Variants in DPY19L4 observed in about 807,000 individuals in gnomAD.
DPY19L4 encodes the protein probable C-mannosyltransferase DPY19L4.
DPY19L4 carries 97 observed loss-of-function variants against 102.8 expected under a neutral mutation model. The observed-to-expected ratio is 0.94, with a 90% CI of 0.80 to 1.12. The LOEUF is 1.12. Ranked by LOEUF, DPY19L4 falls within the 50% of genes most tolerant of loss-of-function variation. The pLI, the probability that DPY19L4 is intolerant of heterozygous loss-of-function variation, is 0.00. For synonymous variants in DPY19L4, 252 were observed against 283.1 expected (o/e 0.89, Z 1.10); for missense variants, 815 against 850.4 (o/e 0.96, Z 0.52).
chr8:94,734,731 A>G lies in DPY19L4; in HGVS notation c.229A>G (p.Lys77Glu). 1.2e-6 allele frequency: 2 copies of G among 1,613,634 alleles called. No individual in the cohort carries two copies. Among genetic ancestry groups the G allele is most frequent in the Non-Finnish European group, 1.7e-6 (2 of 1,179,930 alleles). The change falls in exon 3 of 19, where the codon AAA becomes GAA. Residue 77 changes from lysine (K) to glutamate (E), a missense_variant. Physicochemically the swap from Lys to Glu is moderately conservative, Grantham distance 56. Coordinates refer to ENST00000414645, the MANE Select transcript of DPY19L4 (RefSeq NM_181787.3). ...ALYLSAYHER[K>E]FWFSNRQELE... Reference sequence around the variant, plus strand: ...CTACTTATCAGCATACCATGAACGGAAATTCTGGTTTTCCAACAGGCAGGT... The same window carrying G: ...CTACTTATCAGCATACCATGAACGGGAATTCTGGTTTTCCAACAGGCAGGT...
At chr8:94,722,811 G>T (rs1211694790) in intron 1 of DPY19L4, among the ~76,000 whole-genome samples, 1 of 152,058 alleles carries the variant, frequency 6.6e-6, no homozygotes, top group Non-Finnish European at 1.5e-5. Context: ...TGTTCTCCGC[G>T]TCCCATCTTG....
chr8:94,734,579 C>T, intron 2 of DPY19L4, 51 bp from the exon 3 acceptor site: 1 of 1,537,908 alleles, frequency 6.5e-7, no homozygotes, highest in Non-Finnish European at 8.8e-7. Flanking sequence ...TTAATTACAT[C>T]ATATCAAGGG....
At chr8:94,731,840 C>T (rs1341547954) in intron 2 of DPY19L4, among the ~76,000 whole-genome samples, 1 of 152,038 alleles carries the variant, frequency 6.6e-6, no homozygotes, top group Non-Finnish European at 1.5e-5. Flanking sequence ...CAAGCTCCGC[C>T]CCCTGCAAAC....
rs1302970588 is a variant in DPY19L4, at chr8:94,726,441, C to G, written c.127C>G (p.His43Asp). The change falls in exon 2 of 19, where the codon CAT (histidine) becomes GAT (aspartate). Residue 43 changes from histidine to aspartate, a missense_variant and splice_region_variant. His to Asp is a moderately conservative substitution (Grantham distance 81, BLOSUM62 -1). Coordinates refer to ENST00000414645, the MANE Select transcript of DPY19L4 (RefSeq NM_181787.3). ...TCCAATTCCTGAAAGAGCTCCAAAACGTAAGTTAGATAGACTTGGAATTTG... is the reference window on the plus strand; with the variant it reads ...TCCAATTCCTGAAAGAGCTCCAAAAGGTAAGTTAGATAGACTTGGAATTTG... Reference protein sequence around the residue: ...DIPIPERAPKHVLFQRFAKIF... With the variant: ...DIPIPERAPKDVLFQRFAKIF... The G allele has an allele frequency of 6.2e-7, 1 of 1,602,124 alleles. No individual in the cohort carries two copies. The highest frequency in any genetic ancestry group is 8.5e-7 in the Non-Finnish European group (1 of 1,176,174).
chr8:94,775,847 T>G (rs1223860684), intron 13 of DPY19L4, among the ~76,000 whole-genome samples: 1 of 152,122 alleles, frequency 6.6e-6, no homozygotes, highest in African/African-American at 2.4e-5. Flanking sequence ...CTGATATCTA[T>G]TAATTTTTCT....
intron 14 of DPY19L4, among the ~76,000 whole-genome samples, chr8:94,778,859 C>A (rs1813302136): frequency 6.6e-6 from 1 of 152,036 alleles, no homozygotes; most frequent in Non-Finnish European, 1.5e-5. Context: ...GTTTTCTTGG[C>A]ACATAAAGTG....
chr8:94,766,210 C>T (rs1203892143), intron 10 of DPY19L4, among the ~76,000 whole-genome samples: 1 of 152,164 alleles, frequency 6.6e-6, no homozygotes, highest in African/African-American at 2.4e-5. Context: ...CTCGTCTCTA[C>T]TAAAAATACA....
intron 6 of DPY19L4, among the ~76,000 whole-genome samples, chr8:94,743,880 C>G (rs1389351074): frequency 1.3e-5 from 2 of 151,940 alleles, no homozygotes; most frequent in African/African-American, 4.8e-5. Context: ...GTGGCAGGTG[C>G]TTATAGTCCC....
intron 2 of DPY19L4, among the ~76,000 whole-genome samples, chr8:94,727,802 C>A (rs1810755350): frequency 6.6e-6 from 1 of 152,094 alleles, no homozygotes; most frequent in Admixed American, 6.6e-5. Flanking sequence ...TCCCAAAATT[C>A]TTGACTCCCA....
In DPY19L4 at chr8:94,770,581, C is replaced by CCCTTTGT; in HGVS notation, c.1454+10_1454+11insCCTTTGT. The CCCTTTGT allele has an allele frequency of 6.2e-7, 1 of 1,612,534 alleles. No individual in the cohort carries two copies. The highest frequency in any genetic ancestry group is 1.7e-5 in the Admixed American group (1 of 59,796). ...CAATGGTTATAGAAGGGTAAGTGTACTTTATTTGATCCCTTTGTTTTAACA... is the reference window on the plus strand; with the variant it reads ...CAATGGTTATAGAAGGGTAAGTGTACCCTTTGTTTTATTTGATCCCTTTGTTTTAACA... On this transcript the variant is annotated intron_variant, in intron 13 of 18. Coordinates refer to ENST00000414645, the MANE Select transcript of DPY19L4 (RefSeq NM_181787.3).
chr8:94,731,278 G>A (rs767032688), intron 2 of DPY19L4, among the ~76,000 whole-genome samples: 23 of 151,930 alleles, frequency 1.5e-4, no homozygotes, highest in Non-Finnish European at 2.6e-4. Context: ...AGTTCATATT[G>A]TCTCAACATT....
chr8:94,730,176 A>G (rs1317695429), intron 2 of DPY19L4, among the ~76,000 whole-genome samples: 2 of 151,556 alleles, frequency 1.3e-5, no homozygotes, highest in Non-Finnish European at 2.9e-5. Context: ...CTATATTCTG[A>G]TAGTGACATT....
At chr8:94,773,017 G>A (rs994408855) in intron 13 of DPY19L4, among the ~76,000 whole-genome samples, 1 of 152,048 alleles carries the variant, frequency 6.6e-6, no homozygotes, top group East Asian at 1.9e-4. Context: ...TTTGAAACCA[G>A]CCTGGCCAAC....
rs1813634892 is a variant in DPY19L4 at position 94,786,005 on chromosome 8, GT to G, written c.1849-1884del. Reference sequence around the variant, plus strand: ...CTTGTCTATGAGAATAGTAACCATGGTTTTTGAAACCTTTGTCTTTCTCTAT... The same window carrying G: ...CTTGTCTATGAGAATAGTAACCATGGTTTTGAAACCTTTGTCTTTCTCTAT... On this transcript the variant is annotated intron_variant, in intron 17 of 18. Transcript: ENST00000414645. 2.0e-5 allele frequency among the ~76,000 whole-genome samples: 3 copies of G among 152,226 alleles called. No homozygotes were observed. In the South Asian group the frequency reaches 6.2e-4, roughly 32 times the overall value.
At chr8:94,755,702 C>T (rs111452771) in intron 6 of DPY19L4, among the ~76,000 whole-genome samples, 18 of 152,042 alleles carry the variant, frequency 1.2e-4, no homozygotes, top group East Asian at 7.8e-4. Flanking sequence ...TGAGACAACA[C>T]GGTGAAACCC....
chr8:94,764,862 GGGA>G (rs995142238), intron 8 of DPY19L4, among the ~76,000 whole-genome samples: 8 of 149,050 alleles, frequency 5.4e-5, no homozygotes, highest in African/African-American at 2.0e-4. Context: ...CCGAGTGGCT[GGGA>G]TTACAGGTTC....
intron 3 of DPY19L4, among the ~76,000 whole-genome samples, chr8:94,735,640 A>C (rs550931675): frequency 6.6e-6 from 1 of 152,354 alleles, no homozygotes; most frequent in African/African-American, 2.4e-5. Flanking sequence ...ATTATGTTGT[A>C]TAGGCAGAAC....
intron 8 of DPY19L4, among the ~76,000 whole-genome samples, chr8:94,764,615 C>T (rs1377394450): frequency 1.5e-5 from 2 of 136,082 alleles, no homozygotes; most frequent in African/African-American, 2.7e-5. Context: ...AAGTTAATTA[C>T]ACACTATTTT....
Position 94,766,630 on chromosome 8 carries a change from G to T in DPY19L4, c.1120G>T (p.Glu374Ter). The change falls in exon 11 of 19, where the codon GAA (glutamate) becomes TAA (stop). Residue 374 changes from glutamate (E) to a stop codon, truncating the protein, a stop_gained. Transcript: ENST00000414645. LOFTEE classifies it high-confidence loss of function. ...CTTCTAGATGTTTGTCCCACACAAA[G>T]AAAATGGGCACATGCTGAAATTCCT... Reference protein sequence around the residue: ...IIMKMFVPHKENGHMLKFLEV... With the variant: ...IIMKMFVPHK The T allele has an allele frequency of 6.2e-7, 1 of 1,613,716 alleles. No homozygotes were observed. The highest frequency in any genetic ancestry group is 8.5e-7 in the Non-Finnish European group (1 of 1,179,830).
Sources: allele counts gnomAD v4.1 joint callset (sites outside exome capture counted in the v4.1 genomes callset), GRCh38; gene constraint gnomAD v4.1.1; transcripts MANE v1.5; gene names NCBI Gene and HGNC (gene_info 2026-07-23, HGNC 2026-07-21).